The following ETNK1 variants were observed in gnomAD, a reference collection of about 807,000 sequenced individuals.
ETNK1 encodes putative protein product of Nbla10396.
Under a neutral mutation model 45.1 loss-of-function variants are expected in ETNK1, and 8 were observed. The observed-to-expected ratio is 0.18, with a 90% CI of 0.10 to 0.32. The LOEUF is 0.32. ETNK1 is among the 10% of genes least tolerant of loss of function. The pLI is 1.00. For missense variants in ETNK1, 302 were observed against 430.6 expected, an observed-to-expected ratio of 0.70 and a Z score of 2.64; for synonymous variants, 152 against 151.9, an observed-to-expected ratio of 1.00 and a Z score of -0.01.
Position 22,689,703 on chromosome 12 carries a change from G to A in ETNK1, c.*4749G>A, listed in dbSNP as rs1176658482. ...AACCCAGTGGTATCCCTGTAAATTA[G>A]CTCCTGTGACTGGAAAAGACCCCAA... On this transcript the variant is annotated 3_prime_UTR_variant, in exon 8 of 8. Coordinates refer to ENST00000266517, the MANE Select transcript of ETNK1 (RefSeq NM_018638.5). 6.6e-6 allele frequency: 1 copy of A among 151,948 alleles called. No homozygotes were observed. Among genetic ancestry groups the A allele is most frequent in the Non-Finnish European group, 1.5e-5 (1 of 67,874 alleles). 9.4% of individuals were successfully genotyped at this position (151,948 alleles called of 1,614,324 possible).
intron 4 of ETNK1, among the ~76,000 whole-genome samples, chr12:22,668,525 T>A (rs1437420171): frequency 6.6e-6 from 1 of 152,192 alleles, no homozygotes; most frequent in Non-Finnish European, 1.5e-5. Flanking sequence ...AGATTTTTTT[T>A]TTAAATTTTT....
intron 4 of ETNK1, among the ~76,000 whole-genome samples, chr12:22,663,404 A>T (rs957422810): frequency 1.3e-5 from 2 of 152,170 alleles, no homozygotes; most frequent in African/African-American, 2.4e-5. Flanking sequence ...ATATAATTTT[A>T]AACTTTCATA....
Position 22,690,294 on chromosome 12 carries a change from A to G in ETNK1, c.*5340A>G, listed in dbSNP as rs1209462249. The G allele has an allele frequency of 1.3e-5, 2 of 152,474 alleles. No individual in the cohort carries two copies. The highest frequency in any genetic ancestry group is 1.3e-4 in the Admixed American group (2 of 15,264). The allele number at this position is 152,474 out of a possible 1,614,324, so 9.4% of individuals were successfully genotyped here. On this transcript the variant is annotated 3_prime_UTR_variant, in exon 8 of 8. Transcript: ENST00000266517. ...GAAAATATCTGTCTGAGAATTTGTT[A>G]ATCTGTTTGATAATGAAGATACTTC...
In ETNK1 at chr12:22,643,935, A is replaced by C. The variant is rs919951678; in HGVS notation, c.329A>C (p.Tyr110Ser). 3 of 1,613,384 alleles carry C rather than the reference A, an allele frequency of 1.9e-6. No homozygotes were observed. Among genetic ancestry groups the C allele is most frequent in the Non-Finnish European group, 2.5e-6 (3 of 1,179,540 alleles). ...GCTCATGGGTGTGCACCACAACTCT[A>C]CTGTACCTTCAATAATGGACTATGC... is the stretch of plus-strand genomic sequence containing the variant. ...LQAHGCAPQL[Y>S]CTFNNGLCYE... is the part of the protein sequence containing the mutation. Residue 110 changes from tyrosine to serine, a missense_variant, in exon 2 of 8, where the codon TAC becomes TCC. Physicochemically the swap from Tyr to Ser is moderately radical, Grantham distance 144. This residue lies in a region of ETNK1 where 205 missense variants were observed against 259.9 expected (regional missense o/e 0.79). Transcript: ENST00000266517.
At chr12:22,655,913 G>GCT (rs1385669266) in intron 2 of ETNK1, among the ~76,000 whole-genome samples, 2 of 152,176 alleles carry the variant, frequency 1.3e-5, no homozygotes, top group Admixed American at 6.5e-5. Flanking sequence ...ATTTTGTGCA[G>GCT]CGTTATAGGG....
intron 4 of ETNK1, among the ~76,000 whole-genome samples, chr12:22,662,730 T>C (rs1310189212): frequency 6.6e-6 from 1 of 152,144 alleles, no homozygotes; most frequent in Non-Finnish European, 1.5e-5. Flanking sequence ...GTTATTACAG[T>C]TGGAAGAGCT....
At chr12:22,626,475 A>T (rs1040711641) in intron 1 of ETNK1, among the ~76,000 whole-genome samples, 3 of 152,206 alleles carry the variant, frequency 2.0e-5, no homozygotes, top group Non-Finnish European at 4.4e-5. Context: ...ATTTGTTCTA[A>T]ATCTGAGCAA....
At chr12:22,670,188 T>C (rs1247244728) in intron 4 of ETNK1, among the ~76,000 whole-genome samples, 1 of 152,150 alleles carries the variant, frequency 6.6e-6, no homozygotes, top group Non-Finnish European at 1.5e-5. Flanking sequence ...AATAACAATG[T>C]GTAAAGACCG....
Position 22,684,927 on chromosome 12 carries a change from G to A in ETNK1, c.1065G>A (p.Glu355=). The A allele has an allele frequency of 6.2e-7, 1 of 1,608,184 alleles. No homozygotes were observed. The highest frequency in any genetic ancestry group is 8.5e-7 in the Non-Finnish European group (1 of 1,177,640). Residue 355 remains glutamate (E), a synonymous_variant, in exon 8 of 8, where the codon GAG becomes GAA. Transcript: ENST00000266517. ...RFNQYFKMKP[E]VTALKVPE ...ACCAGTACTTTAAAATGAAGCCTGAGGTTACTGCATTAAAAGTGCCTGAGT... is the reference window on the plus strand; with the variant it reads ...ACCAGTACTTTAAAATGAAGCCTGAAGTTACTGCATTAAAAGTGCCTGAGT...
rs574304538 is a variant in ETNK1 at position 22,688,589 on chromosome 12, A to T, written c.*3635A>T. The T allele has an allele frequency of 6.6e-6, 1 of 152,350 alleles. No individual in the cohort carries two copies. 9.4% of individuals were successfully genotyped at this position (152,350 alleles called of 1,614,324 possible). On this transcript the variant is annotated 3_prime_UTR_variant, in exon 8 of 8. Coordinates refer to ENST00000266517, the MANE Select transcript of ETNK1 (RefSeq NM_018638.5). ...TAAATTGTTTTTAATAAGCATTCCA[A>T]AGTGATACAGACTTAAGCTTTTAAT...
intron 2 of ETNK1, chr12:22,656,458 C>G (rs1471648737): frequency 1.0e-6 from 1 of 985,256 alleles, no homozygotes; most frequent in Non-Finnish European, 1.2e-6. Context: ...CGGCTTAGTT[C>G]TAAAGAGACT....
In ETNK1 at chr12:22,662,474, A is replaced by C. The variant is rs1954015176; in HGVS notation, c.700+1269A>C. Among the ~76,000 whole-genome samples, 4 of 150,164 alleles carry C rather than the reference A, an allele frequency of 2.7e-5. No individual in the cohort carries two copies. The Admixed American group carries it at 2.7e-4, about 10-fold the overall frequency. ...CAGTGGTGTAATCATGGCTCACTGC[A>C]GCCTTCAACTCTTGGGCTCAAGCAG... On this transcript the variant is annotated intron_variant, in intron 4 of 7. Transcript: ENST00000266517.
At chr12:22,650,932 T>G (rs1953867025) in intron 2 of ETNK1, among the ~76,000 whole-genome samples, 1 of 152,182 alleles carries the variant, frequency 6.6e-6, no homozygotes, top group South Asian at 2.1e-4. Context: ...TACATAAAAT[T>G]TACCATTGAA....
At chr12:22,630,259 C>G (rs982393945) in intron 1 of ETNK1, among the ~76,000 whole-genome samples, 1 of 152,196 alleles carries the variant, frequency 6.6e-6, no homozygotes, top group African/African-American at 2.4e-5. Context: ...CGTTCTTCCA[C>G]CTCTCATTTC....
intron 4 of ETNK1, among the ~76,000 whole-genome samples, chr12:22,665,715 A>G (rs554836448): frequency 8.5e-5 from 13 of 152,262 alleles, no homozygotes; most frequent in African/African-American, 3.1e-4. Context: ...AGCTGAAGGT[A>G]CATGGTTTGC....
intron 7 of ETNK1, 56 bp downstream of exon 7, chr12:22,684,612 A>G: frequency 8.6e-7 from 1 of 1,167,930 alleles, no homozygotes; most frequent in Non-Finnish European, 1.3e-6. Flanking sequence ...TTGGATTAAC[A>G]TTAAGAATTC....
chr12:22,660,840 T>C (rs1191429079), intron 3 of ETNK1, among the ~76,000 whole-genome samples: 1 of 152,120 alleles, frequency 6.6e-6, no homozygotes, highest in Non-Finnish European at 1.5e-5. Context: ...TTTTTAACTT[T>C]TGTCCTACAT....
At chr12:22,670,519 T>C (rs11046527) in intron 4 of ETNK1, among the ~76,000 whole-genome samples, 7,096 of 152,226 alleles carry the variant, frequency 0.047, 543 homozygotes, top group African/African-American at 0.16. Context: ...TAGATTATCT[T>C]TGGAGAGTTA....
At chr12:22,647,905 G>A (rs551760521) in intron 2 of ETNK1, among the ~76,000 whole-genome samples, 4 of 151,936 alleles carry the variant, frequency 2.6e-5, no homozygotes, top group South Asian at 4.2e-4. Flanking sequence ...GTAAAACCTC[G>A]CTTACTGAGA....
Sources: allele counts gnomAD v4.1 joint callset (sites outside exome capture counted in the v4.1 genomes callset), GRCh38; gene constraint gnomAD v4.1.1; regional missense constraint gnomAD v4.1.1; transcripts MANE v1.5; gene names NCBI Gene and HGNC (gene_info 2026-07-23, HGNC 2026-07-21).